NPFFR2: variants seen among roughly 807,000 people sequenced by gnomAD.
The protein encoded by NPFFR2 is G-protein coupled receptor 74.
Under a neutral mutation model 13.1 loss-of-function variants are expected in NPFFR2, and 15 were observed. That is an observed-to-expected ratio of 1.15 (90% CI 0.77 to 1.76). The LOEUF (loss-of-function observed/expected upper bound fraction) is 1.76. NPFFR2 is among the 40% of genes most tolerant of loss of function. The probability of loss-of-function intolerance (pLI) is 0.00; values close to 1 mark genes in which losing one functional copy is unlikely to be tolerated. For missense variants in NPFFR2, 572 were observed against 503.5 expected (o/e 1.14, Z -1.30); for synonymous variants, 190 against 175.7 (o/e 1.08, Z -0.65).
At position 72,115,059 on chromosome 4, in the gene NPFFR2, G is replaced by A. The variant is rs1436987871; in HGVS notation, c.-7-13526G>A. ...GGATATATTTTGCCATTATTAAGAT[G>A]TTATCATATTGCACATTTGATTATT... On this transcript the variant is annotated intron_variant, in intron 1 of 3. Coordinates refer to ENST00000308744, the MANE Select transcript of NPFFR2 (RefSeq NM_004885.3). 2.6e-5 allele frequency among the ~76,000 whole-genome samples: 4 copies of A among 152,184 alleles called. No individual in the cohort carries two copies. In the East Asian group the frequency reaches 5.8e-4, roughly 22 times the overall value.
intron 3 of NPFFR2, among the ~76,000 whole-genome samples, chr4:72,145,221 T>C (rs1263183859): frequency 6.7e-6 from 1 of 149,956 alleles, no homozygotes; most frequent in Non-Finnish European, 1.5e-5. Flanking sequence ...TAAGTATATA[T>C]ACTCATATAT....
Position 72,108,665 on chromosome 4 carries a change from A to G in NPFFR2, c.-7-19920A>G, listed in dbSNP as rs935365487. Among the ~76,000 whole-genome samples, 8 of 152,042 alleles carry G rather than the reference A, an allele frequency of 5.3e-5. 1 individual carries two copies. The highest frequency in any genetic ancestry group is 5.2e-4 in the Admixed American group (8 of 15,248). ...TTTATTTTTATGCATATTATATTTT[A>G]TAGATCTTGTTCAAATCAACAAGAT... On this transcript the variant is annotated intron_variant, in intron 1 of 3. Coordinates refer to ENST00000308744, the MANE Select transcript of NPFFR2 (RefSeq NM_004885.3).
chr4:72,100,343 G>C (rs1367675958), intron 1 of NPFFR2, among the ~76,000 whole-genome samples: 3 of 152,070 alleles, frequency 2.0e-5, no homozygotes, highest in East Asian at 1.9e-4. Context: ...CTTAATTTCT[G>C]TGTGAATATG....
In NPFFR2 at chr4:72,122,729, A is replaced by T. The variant is rs565417254; in HGVS notation, c.-7-5856A>T. On this transcript the variant is annotated intron_variant, in intron 1 of 3. Transcript: ENST00000308744. ...TGAGAACAAAGACACCATGTACCAG[A>T]ATCTCTAGGACACAATTAATAGATC... 2.6e-5 allele frequency among the ~76,000 whole-genome samples: 4 copies of T among 152,340 alleles called. No homozygotes were observed. In the East Asian group the frequency reaches 7.7e-4, roughly 29 times the overall value.
At chr4:72,137,334 T>C (rs1311698666) in intron 2 of NPFFR2, among the ~76,000 whole-genome samples, 1 of 152,204 alleles carries the variant, frequency 6.6e-6, no homozygotes, top group African/African-American at 2.4e-5. Context: ...TATTGTTCCT[T>C]TTCTGTAATA....
chr4:72,040,386 A>G (rs1177431673), intron 1 of NPFFR2, among the ~76,000 whole-genome samples: 1 of 152,114 alleles, frequency 6.6e-6, no homozygotes, highest in Non-Finnish European at 1.5e-5. Flanking sequence ...TAAATATTTT[A>G]TTCTTCCCCT....
intron 1 of NPFFR2, among the ~76,000 whole-genome samples, chr4:72,055,986 C>T (rs1388863799): frequency 1.3e-5 from 2 of 151,910 alleles, no homozygotes; most frequent in East Asian, 1.9e-4. Context: ...TCTCTCCGTG[C>T]CATAAAAGTC....
chr4:72,113,730 G>A (rs1179024452), intron 1 of NPFFR2, among the ~76,000 whole-genome samples: 2 of 152,088 alleles, frequency 1.3e-5, no homozygotes, highest in Non-Finnish European at 2.9e-5. Context: ...AAGAGGCTCA[G>A]ACAGCCCTGG....
chr4:72,045,199 G>C (rs954770426), intron 1 of NPFFR2, among the ~76,000 whole-genome samples: 7 of 152,170 alleles, frequency 4.6e-5, no homozygotes, highest in Non-Finnish European at 1.0e-4. Context: ...TTCACTATAA[G>C]TATCTGATAT....
Position 72,032,070 on chromosome 4 carries a change from G to T in NPFFR2, c.-138G>T. 6.2e-7 allele frequency: 1 copy of T among 1,614,090 alleles called. No individual in the cohort carries two copies. The highest frequency in any genetic ancestry group is 1.1e-5 in the South Asian group (1 of 91,076). ...GGAGTGGAGCAGGCAGTCCGCGGGG[G>T]ACAGACGTCGGCTGGGATTGAGCCG... On this transcript the variant is annotated 5_prime_UTR_variant, in exon 1 of 4. Transcript: ENST00000308744.
At chr4:72,141,634 G>T (rs554474193) in intron 3 of NPFFR2, among the ~76,000 whole-genome samples, 7 of 152,208 alleles carry the variant, frequency 4.6e-5, no homozygotes, top group African/African-American at 1.4e-4. Flanking sequence ...ACAGTTTGTT[G>T]TGATTTCTGT....
At chr4:72,092,558 CCT>C (rs540462509) in intron 1 of NPFFR2, among the ~76,000 whole-genome samples, 46 of 152,178 alleles carry the variant, frequency 3.0e-4, no homozygotes, top group Admixed American at 1.4e-3. Flanking sequence ...GTGATATTTT[CCT>C]GTTAGACTAG....
At chr4:72,110,570 C>G (rs116791311) in intron 1 of NPFFR2, among the ~76,000 whole-genome samples, 10 of 152,062 alleles carry the variant, frequency 6.6e-5, no homozygotes, top group African/African-American at 2.4e-4. Flanking sequence ...GTTGGTTTCC[C>G]TAGCTTTGGA....
intron 1 of NPFFR2, among the ~76,000 whole-genome samples, chr4:72,121,495 C>T (rs1278454671): frequency 2.0e-5 from 3 of 151,982 alleles, no homozygotes; most frequent in Non-Finnish European, 4.4e-5. Flanking sequence ...TAAGGGCAAC[C>T]AGAGAGAAAG....
chr4:72,090,074 T>C (rs1279870612), intron 1 of NPFFR2, among the ~76,000 whole-genome samples: 1 of 152,100 alleles, frequency 6.6e-6, no homozygotes, highest in Non-Finnish European at 1.5e-5. Flanking sequence ...ATTTGTTGAA[T>C]AGGGTGTCCT....
At chr4:72,102,041 T>C (rs1478640921) in intron 1 of NPFFR2, among the ~76,000 whole-genome samples, 1 of 152,134 alleles carries the variant, frequency 6.6e-6, no homozygotes, top group Non-Finnish European at 1.5e-5. Flanking sequence ...TAATTGAAGA[T>C]GTGATTTTTG....
At chr4:72,034,232 A>T (rs1369823438) in intron 1 of NPFFR2, among the ~76,000 whole-genome samples, 1 of 152,224 alleles carries the variant, frequency 6.6e-6, no homozygotes, top group Non-Finnish European at 1.5e-5. Context: ...GTCTATTCTC[A>T]TGCTGCTATA....
chr4:72,048,219 T>A (rs1719433764), intron 1 of NPFFR2, among the ~76,000 whole-genome samples: 2 of 152,178 alleles, frequency 1.3e-5, no homozygotes, highest in Non-Finnish European at 2.9e-5. Flanking sequence ...GACACTCAAG[T>A]TCAGTTTCTT....
At chr4:72,103,610 A>G (rs778309483) in intron 1 of NPFFR2, among the ~76,000 whole-genome samples, 2 of 152,266 alleles carry the variant, frequency 1.3e-5, no homozygotes, top group Middle Eastern at 3.4e-3. Context: ...ATTGGAGTCC[A>G]ATATTGCTAA....
Sources: gnomAD v4.1 joint callset for allele counts (sites outside exome capture counted in the v4.1 genomes callset) on GRCh38, gnomAD v4.1.1 for gene constraint, MANE v1.5 for transcripts, NCBI Gene and HGNC (gene_info 2026-07-23, HGNC 2026-07-21) for gene names.